ZBBX: variants seen among roughly 807,000 people sequenced by gnomAD.
ZBBX encodes the protein zinc finger B-box domain containing.
In ZBBX, 101 loss-of-function variants were observed where a neutral mutation model predicts 108.5. That is an observed-to-expected ratio of 0.93 (90% CI 0.79 to 1.10). The LOEUF (loss-of-function observed/expected upper bound fraction) is 1.10. Ranked by LOEUF, ZBBX falls within the 50% of genes least tolerant of loss-of-function variation. ZBBX has a pLI of 0.00. For synonymous variants in ZBBX, 356 were observed against 323.4 expected, an observed-to-expected ratio of 1.10 and a Z score of -1.08; for missense variants, 1,009 against 941.4, an observed-to-expected ratio of 1.07 and a Z score of -0.94.
At chr3:167,264,901 TA>T (rs1259361993) in intron 20 of ZBBX, among the ~76,000 whole-genome samples, 1 of 152,224 alleles carries the variant, frequency 6.6e-6, no homozygotes, top group Non-Finnish European at 1.5e-5. Flanking sequence ...AATGTTTGCC[TA>T]AAGCCCACGG....
At chr3:167,281,353 T>C (rs1430321944) in intron 20 of ZBBX, among the ~76,000 whole-genome samples, 1 of 152,220 alleles carries the variant, frequency 6.6e-6, no homozygotes, top group Non-Finnish European at 1.5e-5. Context: ...TTATTTCTTT[T>C]TTTGTAATTT....
chr3:167,288,992 G>A lies in ZBBX; in HGVS notation c.1880-9C>T. ...AATCCATTCTCTGTCTTCTGAAATT[G>A]AAAAACAGTAAGATAACATAAAGTT... On this transcript the variant is annotated splice_polypyrimidine_tract_variant and intron_variant, in intron 18 of 21. Transcript: ENST00000675490. 6.6e-7 allele frequency: 1 copy of A among 1,511,664 alleles called. No homozygotes were observed. The highest frequency in any genetic ancestry group is 1.3e-5 in the South Asian group (1 of 77,656). 93.6% of individuals were successfully genotyped at this position (1,511,664 alleles called of 1,614,324 possible).
At chr3:167,275,247 T>A (rs896543302) in intron 20 of ZBBX, among the ~76,000 whole-genome samples, 2 of 152,094 alleles carry the variant, frequency 1.3e-5, no homozygotes, top group African/African-American at 4.8e-5. Context: ...TAAACAGTGA[T>A]GTTTAAAATG....
the ZBBX span, among the ~76,000 whole-genome samples, chr3:167,193,875 C>T: frequency 6.6e-6 from 1 of 152,026 alleles, no homozygotes; most frequent in Non-Finnish European, 1.5e-5. Context: ...AAGCCAGACA[C>T]AGAAACACAA....
At chr3:167,402,847 T>G (rs1253390874) in intron 1 of ZBBX, among the ~76,000 whole-genome samples, 1 of 151,232 alleles carries the variant, frequency 6.6e-6, no homozygotes, top group Admixed American at 6.6e-5. Flanking sequence ...GTTAGTGACC[T>G]TGAAGACAGG....
chr3:167,349,241 T>C (rs191837495), intron 9 of ZBBX, among the ~76,000 whole-genome samples: 54 of 152,248 alleles, frequency 3.5e-4, no homozygotes, highest in African/African-American at 1.2e-3. Flanking sequence ...TGAACTCATC[T>C]GTGATAATTT....
chr3:167,404,508 G>A (rs1050344921), intron 1 of ZBBX, among the ~76,000 whole-genome samples: 46 of 145,378 alleles, frequency 3.2e-4, no homozygotes, highest in African/African-American at 1.2e-3. Context: ...GAGGTGGGAG[G>A]CAAACCCTAA....
intron 18 of ZBBX, among the ~76,000 whole-genome samples, chr3:167,292,365 T>G (rs1730848210): frequency 6.6e-6 from 1 of 152,128 alleles, no homozygotes; most frequent in Non-Finnish European, 1.5e-5. Context: ...CAGACCACAG[T>G]GCAATCAAAT....
the ZBBX span, among the ~76,000 whole-genome samples, chr3:167,211,361 G>T: frequency 6.6e-6 from 1 of 152,162 alleles, no homozygotes; most frequent in African/African-American, 2.4e-5. Flanking sequence ...GGAGATTCTG[G>T]AGACAGATAC....
At chr3:167,252,745 T>C (rs1467326793) in intron 20 of ZBBX, among the ~76,000 whole-genome samples, 3 of 152,090 alleles carry the variant, frequency 2.0e-5, no homozygotes, top group African/African-American at 4.8e-5. Flanking sequence ...CTGATGTTAG[T>C]GTATGAGAAA....
intron 13 of ZBBX, 148 bp downstream of exon 13, chr3:167,317,340 T>C: frequency 1.5e-6 from 1 of 664,930 alleles, no homozygotes; most frequent in South Asian, 2.4e-5. Flanking sequence ...GAAGTGAGTG[T>C]ACATGATTTT....
At chr3:167,374,749 AG>A (rs1746681934) in intron 2 of ZBBX, among the ~76,000 whole-genome samples, 1 of 152,192 alleles carries the variant, frequency 6.6e-6, no homozygotes, top group Non-Finnish European at 1.5e-5. Context: ...AAAAATTATA[AG>A]GGCTATAAAA....
chr3:167,388,598 A>G (rs1245802512), intron 1 of ZBBX, among the ~76,000 whole-genome samples: 2 of 152,048 alleles, frequency 1.3e-5, no homozygotes, highest in Non-Finnish European at 2.9e-5. Context: ...CGACATAGCA[A>G]TAGATTAAAC....
intron 8 of ZBBX, among the ~76,000 whole-genome samples, chr3:167,351,876 TG>T (rs1295264122): frequency 1.3e-5 from 2 of 152,110 alleles, no homozygotes; most frequent in African/African-American, 4.8e-5. Context: ...ACCCCATTCC[TG>T]TCAGTCTCTC....
rs1553820806 is a variant in ZBBX, at chr3:167,330,945, T to TTCTCTCTCTCTCTCTTTCTCTCTCTCTC, written c.688-2830_688-2829insGAGAGAGAGAGAAAGAGAGAGAGAGAGA. ...TATCTCTTCTCTCTCCTCTCTTTCT[T>TTCTCTCTCTCTCTCTTTCTCTCTCTCTC]TCTCTCTCTCTCTCTCTCTCCCCCA... On this transcript the variant is annotated intron_variant, in intron 10 of 21. Transcript: ENST00000675490. Among the ~76,000 whole-genome samples, 84 of 87,202 alleles carry TTCTCTCTCTCTCTCTTTCTCTCTCTCTC rather than the reference T, an allele frequency of 9.6e-4. 3 individuals carry two copies. The highest frequency in any genetic ancestry group is 1.7e-3 in the Admixed American group (12 of 7,018). The allele number at this position is 87,202 out of a possible 152,430, so 57.2% of individuals were successfully genotyped here.
intron 16 of ZBBX, among the ~76,000 whole-genome samples, chr3:167,311,398 A>G (rs1015269291): frequency 2.0e-5 from 3 of 152,156 alleles, no homozygotes; most frequent in Non-Finnish European, 4.4e-5. Context: ...GGCTATGACA[A>G]TAACTTTCTA....
At chr3:167,280,461 C>A (rs1269007197) in intron 20 of ZBBX, among the ~76,000 whole-genome samples, 9 of 150,638 alleles carry the variant, frequency 6.0e-5, no homozygotes, top group African/African-American at 2.0e-4. Context: ...ACAGACACTT[C>A]TCAAAAGAAG....
chr3:167,280,495 A>ACC (rs1375374072), intron 20 of ZBBX, among the ~76,000 whole-genome samples: 2 of 150,892 alleles, frequency 1.3e-5, no homozygotes, highest in Non-Finnish European at 3.0e-5. Context: ...CAAAAAACAC[A>ACC]TGAAAAAATG....
the ZBBX span, among the ~76,000 whole-genome samples, chr3:167,220,682 C>T: frequency 1.3e-5 from 2 of 151,838 alleles, no homozygotes; most frequent in African/African-American, 4.8e-5. Flanking sequence ...ACAAAAATGC[C>T]CACTTTCACC....
Sources: gnomAD v4.1 joint callset for allele counts (sites outside exome capture counted in the v4.1 genomes callset) on GRCh38, gnomAD v4.1.1 for gene constraint, MANE v1.5 for transcripts, NCBI Gene and HGNC (gene_info 2026-07-23, HGNC 2026-07-21) for gene names.